The following DENND4C variants were observed in gnomAD, a reference collection of about 807,000 sequenced individuals.
DENND4C encodes DENN domain-containing protein 4C.
DENND4C carries 108 observed loss-of-function variants against 203.0 expected under a neutral mutation model. The ratio of observed to expected loss-of-function variants is 0.53; its 90% CI spans 0.46 to 0.62. The LOEUF is 0.62. DENND4C is among the 20% of genes least tolerant of loss of function. DENND4C has a pLI of 0.00. For missense variants in DENND4C, 2,481 were observed against 2,301.2 expected (o/e 1.08, Z -1.60); for synonymous variants, 871 against 792.4 (o/e 1.10, Z -1.67).
intron 22 of DENND4C, among the ~76,000 whole-genome samples, chr9:19,343,978 A>C (rs146086029): frequency 6.6e-6 from 1 of 152,372 alleles, no homozygotes; most frequent in East Asian, 1.9e-4. Flanking sequence ...ACCAGCTTTC[A>C]AAGCAGGTAC....
rs1378310775 is a variant in DENND4C, at chr9:19,373,956, A to C, written c.*1783A>C. Among the ~76,000 whole-genome samples the C allele has an allele frequency of 6.6e-6, 1 of 152,184 alleles. No homozygotes were observed. The highest frequency in any genetic ancestry group is 1.5e-5 in the Non-Finnish European group (1 of 68,022). Reference sequence around the variant, plus strand: ...TGCTAAATGAAACAATTTGTCAGAAATTATGTACAATTTTCATTACCTTCA... The same window carrying C: ...TGCTAAATGAAACAATTTGTCAGAACTTATGTACAATTTTCATTACCTTCA... On this transcript the variant is annotated 3_prime_UTR_variant, in exon 33 of 33. Transcript: ENST00000434457.
intron 1 of DENND4C, among the ~76,000 whole-genome samples, chr9:19,254,346 C>T (rs1014172924): frequency 8.5e-5 from 13 of 152,098 alleles, no homozygotes; most frequent in African/African-American, 1.9e-4. Flanking sequence ...TAGTGTCCAT[C>T]GACGGATGAA....
intron 30 of DENND4C, among the ~76,000 whole-genome samples, chr9:19,365,696 C>T (rs905026756): frequency 1.8e-4 from 20 of 108,306 alleles, no homozygotes; most frequent in African/African-American, 5.9e-4. Flanking sequence ...TTATTATACA[C>T]ACACACCATA....
At chr9:19,253,996 A>G (rs1470359141) in intron 1 of DENND4C, among the ~76,000 whole-genome samples, 1 of 152,202 alleles carries the variant, frequency 6.6e-6, no homozygotes, top group African/African-American at 2.4e-5. Flanking sequence ...CAAAAATTAT[A>G]GTTGGAAAAT....
intron 28 of DENND4C, among the ~76,000 whole-genome samples, chr9:19,359,241 TTTAA>T (rs1825981340): frequency 6.6e-6 from 1 of 151,776 alleles, no homozygotes; most frequent in Non-Finnish European, 1.5e-5. Flanking sequence ...AACATTTATG[TTTAA>T]TTAAGTAATT....
chr9:19,280,303 C>T (rs1385944098), intron 2 of DENND4C, among the ~76,000 whole-genome samples: 7 of 151,974 alleles, frequency 4.6e-5, no homozygotes, highest in African/African-American at 1.5e-4. Context: ...CCCACCACCA[C>T]GCCCAGCTAA....
At chr9:19,355,797 T>C (rs1825256928) in intron 26 of DENND4C, among the ~76,000 whole-genome samples, 1 of 152,180 alleles carries the variant, frequency 6.6e-6, no homozygotes, top group Non-Finnish European at 1.5e-5. Flanking sequence ...AACTAGAGTT[T>C]TCTTTGAGAT....
chr9:19,255,416 ATTT>A (rs35155410), intron 1 of DENND4C, among the ~76,000 whole-genome samples: 46 of 150,428 alleles, frequency 3.1e-4, no homozygotes, highest in South Asian at 1.3e-3. Flanking sequence ...AAAAAAAAAA[ATTT>A]TTTTTTAATG....
intron 4 of DENND4C, 122 bp downstream of exon 4, chr9:19,288,787 A>G (rs1303687231): frequency 1.2e-5 from 6 of 483,526 alleles, no homozygotes; most frequent in Non-Finnish European, 2.0e-5. Flanking sequence ...TCATAAAATT[A>G]TCTATAATTT....
Position 19,276,485 on chromosome 9 carries a change from G to C in DENND4C, c.305+6G>C. ...CCACCGCTTACAGATATTGGGTATG[G>C]TGACTTCTTTTCTTTGCTATAGTGA... On this transcript the variant is annotated splice_donor_region_variant and intron_variant, in intron 2 of 32. Transcript: ENST00000434457. 4.1e-6 allele frequency: 5 copies of C among 1,231,534 alleles called. No individual in the cohort carries two copies. The highest frequency in any genetic ancestry group is 5.1e-6 in the Non-Finnish European group (5 of 987,478). The allele number at this position is 1,231,534 out of a possible 1,614,324, so 76.3% of individuals were successfully genotyped here.
chr9:19,351,805 T>TAAAAA (rs1343290615), intron 24 of DENND4C, among the ~76,000 whole-genome samples: 127 of 127,628 alleles, frequency 1.0e-3, no homozygotes, highest in African/African-American at 3.7e-3. Context: ...AGACTCCATC[T>TAAAAA]AAAAAAAAAA....
At chr9:19,275,580 C>T (rs544066406) in intron 1 of DENND4C, among the ~76,000 whole-genome samples, 7 of 152,246 alleles carry the variant, frequency 4.6e-5, no homozygotes, top group Admixed American at 2.6e-4. Context: ...AAGCGATTCT[C>T]CTGCCTCAGC....
chr9:19,282,715 C>CTTTTTTTTTTTTTTTTTTTTTTTTTTT (rs1554717864), intron 2 of DENND4C, among the ~76,000 whole-genome samples: 3 of 86,638 alleles, frequency 3.5e-5, no homozygotes, highest in African/African-American at 1.3e-4. Flanking sequence ...TTTCTTCTCT[C>CTTTTTTTTTTTTTTTTTTTTTTTTTTT]TTTTTTTTTT....
intron 1 of DENND4C, 42 bp downstream of exon 1, chr9:19,230,875 C>G (rs750436221): frequency 6.6e-6 from 1 of 152,532 alleles, no homozygotes; most frequent in East Asian, 1.9e-4. Flanking sequence ...GAAGCCTGCG[C>G]CGTGCCCTCG....
Position 19,342,698 on chromosome 9 carries a change from A to G in DENND4C, c.3070A>G (p.Thr1024Ala), listed in dbSNP as rs774736309. ...SQPSPEPHSP[T>A]EPPAWGSSIV... ...ACCTAGTCCAGAGCCTCACAGTCCT[A>G]CTGAACCTCCTGCATGGGGCAGCAG... The change falls in exon 22 of 33, where the codon ACT becomes GCT. Residue 1024 changes from threonine to alanine, a missense_variant. Transcript: ENST00000434457. 6.8e-6 allele frequency: 11 copies of G among 1,613,758 alleles called. No homozygotes were observed. The highest frequency in any genetic ancestry group is 9.3e-6 in the Non-Finnish European group (11 of 1,179,834).
intron 18 of DENND4C, 103 bp from the exon 19 acceptor site, chr9:19,336,167 T>G (rs371078281): frequency 1.2e-6 from 1 of 860,858 alleles, no homozygotes; most frequent in South Asian, 3.3e-5. Context: ...CTTTTTATAT[T>G]TGTGTATATA....
Position 19,305,391 on chromosome 9 carries a change from C to A in DENND4C, c.1351C>A (p.Leu451Ile), listed in dbSNP as rs1272687255. 6.2e-7 allele frequency: 1 copy of A among 1,613,606 alleles called. No homozygotes were observed. The highest frequency in any genetic ancestry group is 8.5e-7 in the Non-Finnish European group (1 of 1,179,822). Residue 451 changes from leucine (L) to isoleucine (I), a missense_variant, in exon 10 of 33, where the codon CTT becomes ATT. Around this residue, in one of 3 missense-constraint regions of DENND4C, gnomAD observed 2,289 missense variants for 2,113.3 expected, o/e 1.08. Coordinates refer to ENST00000434457, the MANE Select transcript of DENND4C (RefSeq NM_001330640.2). ...TCAGTGGCAATGCCCATATATTCCC[C>A]TTTGTCCTCTTTCACTGGCTGCAGT... ...PFQWQCPYIPLCPLSLAAVLS... is the reference protein window; with the variant it reads ...PFQWQCPYIPICPLSLAAVLS...
intron 12 of DENND4C, among the ~76,000 whole-genome samples, chr9:19,321,064 C>T (rs573095782): frequency 8.5e-5 from 13 of 152,114 alleles, no homozygotes; most frequent in African/African-American, 1.7e-4. Flanking sequence ...CAGTTTTTAT[C>T]CTAAGAGTAA....
intron 26 of DENND4C, among the ~76,000 whole-genome samples, 162 bp from the exon 27 acceptor site, chr9:19,356,810 A>AGAGAGAGAGAGAGAGTGAGAGT (rs1447525810): frequency 6.8e-6 from 1 of 146,600 alleles, no homozygotes; most frequent in African/African-American, 2.6e-5. Context: ...AGAGAGAGAG[A>AGAGAGAGAGAGAGAGTGAGAGT]GAGAGAGTGA....
Sources: gnomAD v4.1 joint callset for allele counts (sites outside exome capture counted in the v4.1 genomes callset) on GRCh38, gnomAD v4.1.1 for gene constraint, gnomAD v4.1.1 regional missense constraint, MANE v1.5 for transcripts, NCBI Gene and HGNC (gene_info 2026-07-23, HGNC 2026-07-21) for gene names.